NBAS: variants seen among roughly 807,000 people sequenced by gnomAD.
NBAS encodes the protein NBAS subunit of NRZ tethering complex, also known as NAG/BC035112 fusion.
Under a neutral mutation model 302.5 loss-of-function variants are expected in NBAS, and 219 were observed. The observed-to-expected ratio is 0.72, with a 90% confidence interval of 0.65 to 0.81. The LOEUF (loss-of-function observed/expected upper bound fraction) is 0.81, where lower values mean the gene tolerates loss of function less well. Among genes scored for constraint, NBAS ranks in the 30% least tolerant of loss-of-function variants. The probability of loss-of-function intolerance (pLI) is 0.00; values close to 1 mark genes in which losing one functional copy is unlikely to be tolerated. For synonymous variants in NBAS, 1,118 were observed against 1,021.6 expected (o/e 1.09, Z -1.80); for missense variants, 2,932 against 2,841.6 (o/e 1.03, Z -0.72).
chr2:15,298,838 A>C (rs186639411), intron 40 of NBAS, among the ~76,000 whole-genome samples: 67 of 152,254 alleles, frequency 4.4e-4, no homozygotes, highest in Non-Finnish European at 6.9e-4. Context: ...TGTGCACGGG[A>C]AACACTGTTT....
intron 6 of NBAS, among the ~76,000 whole-genome samples, chr2:15,545,736 C>G (rs1664077092): frequency 6.6e-6 from 1 of 152,182 alleles, no homozygotes; most frequent in African/African-American, 2.4e-5. Flanking sequence ...TAATTCAATT[C>G]TACACAAATT....
the NBAS span, among the ~76,000 whole-genome samples, chr2:15,048,747 G>C: frequency 6.6e-6 from 1 of 152,202 alleles, no homozygotes; most frequent in African/African-American, 2.4e-5. Flanking sequence ...CTGATTCCTG[G>C]CCCTGCATCA....
intron 44 of NBAS, among the ~76,000 whole-genome samples, chr2:15,260,948 CT>C (rs1668824202): frequency 6.6e-6 from 1 of 152,178 alleles, no homozygotes; most frequent in Non-Finnish European, 1.5e-5. Flanking sequence ...GTCTGTTTTG[CT>C]TGTGTGTCTT....
At chr2:15,402,798 A>T (rs1472065612) in intron 25 of NBAS, among the ~76,000 whole-genome samples, 1 of 150,094 alleles carries the variant, frequency 6.7e-6, no homozygotes, top group Non-Finnish European at 1.5e-5. Flanking sequence ...TCAATACACA[A>T]ATCACAGAAC....
chr2:15,367,113 T>G (rs181346954), intron 31 of NBAS, among the ~76,000 whole-genome samples: 578 of 152,250 alleles, frequency 3.8e-3, no homozygotes, highest in Non-Finnish European at 6.5e-3. Flanking sequence ...ATTTGCTATC[T>G]CCACTCATTA....
At chr2:14,960,733 C>T in the NBAS span, among the ~76,000 whole-genome samples, 4 of 152,056 alleles carry the variant, frequency 2.6e-5, no homozygotes, top group East Asian at 1.9e-4. Flanking sequence ...GTCTAAATGC[C>T]GAGTTGTTTT....
intron 32 of NBAS, among the ~76,000 whole-genome samples, chr2:15,358,328 A>G (rs1673722728): frequency 6.6e-6 from 1 of 152,094 alleles, no homozygotes; most frequent in Non-Finnish European, 1.5e-5. Context: ...GCTGTCTCCC[A>G]TGTGCTTGAG....
At chr2:15,330,523 A>T in intron 36 of NBAS, 75 bp downstream of exon 36, 1 of 1,582,524 alleles carries the variant, frequency 6.3e-7, no homozygotes, top group Non-Finnish European at 8.6e-7. Flanking sequence ...TATAACAGTG[A>T]AAACAACTGA....
the NBAS span, among the ~76,000 whole-genome samples, chr2:14,922,925 G>A: frequency 6.6e-6 from 1 of 152,166 alleles, no homozygotes; most frequent in African/African-American, 2.4e-5. Flanking sequence ...GGCCGAGGTG[G>A]GTGGATCAAG....
intron 44 of NBAS, among the ~76,000 whole-genome samples, chr2:15,254,438 A>G (rs1208729023): frequency 6.6e-6 from 1 of 152,236 alleles, no homozygotes; most frequent in Non-Finnish European, 1.5e-5. Flanking sequence ...GCAGTGGTAG[A>G]AAGTGATTAC....
chr2:14,834,682 G>A, the NBAS span, among the ~76,000 whole-genome samples: 1 of 152,008 alleles, frequency 6.6e-6, no homozygotes, highest in African/African-American at 2.4e-5. Context: ...GGGGGGAAGT[G>A]GATGCCACTG....
At chr2:15,043,758 T>G in the NBAS span, among the ~76,000 whole-genome samples, 2 of 152,214 alleles carry the variant, frequency 1.3e-5, no homozygotes, top group Non-Finnish European at 2.9e-5. Context: ...GGGTTCTAAG[T>G]CTAGCTCTGC....
At chr2:14,890,709 T>G in the NBAS span, 2 of 152,446 alleles carry the variant, frequency 1.3e-5, no homozygotes, top group Non-Finnish European at 2.9e-5. Context: ...TCTCAGCTAC[T>G]CAGGAGACTG....
At chr2:15,232,296 G>A in intron 47 of NBAS, 126 bp downstream of exon 47, 1 of 837,018 alleles carries the variant, frequency 1.2e-6, no homozygotes. Context: ...CAAGTGCAGA[G>A]CCGCTCCTTT....
intron 31 of NBAS, among the ~76,000 whole-genome samples, chr2:15,373,253 A>C (rs2148356161): frequency 6.6e-6 from 1 of 152,338 alleles, no homozygotes; most frequent in East Asian, 1.9e-4. Context: ...TGCTTAAGAT[A>C]CCACAAGATA....
intron 22 of NBAS, 93 bp from the exon 23 acceptor site, chr2:15,424,561 A>C: frequency 7.1e-7 from 1 of 1,400,872 alleles, no homozygotes; most frequent in Non-Finnish European, 1.0e-6. Context: ...AGATGGGGAG[A>C]AAGTAAGAGA....
intron 44 of NBAS, among the ~76,000 whole-genome samples, chr2:15,243,960 C>T (rs969585515): frequency 2.0e-5 from 3 of 152,096 alleles, no homozygotes; most frequent in Admixed American, 6.6e-5. Context: ...AAAACAAGGG[C>T]GTGACACTCC....
At chr2:14,807,912 G>GTCTC in the NBAS span, among the ~76,000 whole-genome samples, 1 of 150,872 alleles carries the variant, frequency 6.6e-6, no homozygotes, top group Non-Finnish European at 1.5e-5. Context: ...ATCCCTCTCT[G>GTCTC]TCTCTCTCTC....
chr2:15,207,465 G>C (rs1394165278), intron 48 of NBAS, among the ~76,000 whole-genome samples: 2 of 152,188 alleles, frequency 1.3e-5, no homozygotes, highest in African/African-American at 4.8e-5. Flanking sequence ...GACTTTGGGG[G>C]ACTACTGGGA....
Sources: allele counts gnomAD v4.1 joint callset (sites outside exome capture counted in the v4.1 genomes callset), GRCh38; gene constraint gnomAD v4.1.1; transcripts MANE v1.5; gene names NCBI Gene and HGNC (gene_info 2026-07-23, HGNC 2026-07-21).